MAP2K5: variants seen among roughly 807,000 people sequenced by gnomAD.
MAP2K5 encodes dual specificity mitogen-activated protein kinase kinase 5.
A neutral mutation model predicts 83.1 loss-of-function variants in MAP2K5; 49 were observed. The ratio of observed to expected loss-of-function variants is 0.59; its 90% CI spans 0.47 to 0.75. MAP2K5 has a LOEUF of 0.75. Among genes scored for constraint, MAP2K5 ranks in the 30% least tolerant of loss-of-function variants. The pLI is 0.00. For missense variants in MAP2K5, 457 were observed against 557.5 expected (o/e 0.82, Z 1.82); for synonymous variants, 202 against 191.8 (o/e 1.05, Z -0.44).
intron 12 of MAP2K5, among the ~76,000 whole-genome samples, chr15:67,662,495 G>T (rs953867112): frequency 1.3e-5 from 2 of 152,158 alleles, no homozygotes; most frequent in Admixed American, 1.3e-4. Context: ...ATAGTGATTT[G>T]TTCAGTGTAT....
rs2088448788 is a variant in MAP2K5 at position 67,702,622 on chromosome 15, A to G, written c.973-715A>G. Among the ~76,000 whole-genome samples, 1 of 152,246 alleles carries G rather than the reference A, an allele frequency of 6.6e-6. No individual in the cohort carries two copies. Among genetic ancestry groups the G allele is most frequent in the Non-Finnish European group, 1.5e-5 (1 of 68,040 alleles). On this transcript the variant is annotated intron_variant, in intron 15 of 21. Transcript: ENST00000178640. The surrounding 1 kb of genome is among the most constrained non-coding windows in gnomAD (Gnocchi z 4.6). The stretch of plus-strand genomic sequence containing the variant: ...GATCAGGAAGCATCCACTCAGTATG[A>G]AATTATTCCTTTTGAAGTTGAGAGT...
chr15:67,696,799 G>A (rs1458963871), intron 15 of MAP2K5, among the ~76,000 whole-genome samples: 1 of 152,148 alleles, frequency 6.6e-6, no homozygotes, highest in Non-Finnish European at 1.5e-5. Flanking sequence ...CCAACATGGA[G>A]AAACCCCATC....
intron 3 of MAP2K5, among the ~76,000 whole-genome samples, chr15:67,579,292 A>G (rs1290938313): frequency 6.6e-6 from 1 of 152,144 alleles, no homozygotes; most frequent in African/African-American, 2.4e-5. Flanking sequence ...TTTTCGGACA[A>G]TTTTTCCAGA....
intron 16 of MAP2K5, among the ~76,000 whole-genome samples, chr15:67,709,440 G>A (rs1309343213): frequency 1.4e-5 from 2 of 141,390 alleles, no homozygotes; most frequent in African/African-American, 5.3e-5. Flanking sequence ...AGATTTTTAG[G>A]ATTATTAACC....
chr15:67,585,806 C>A, intron 4 of MAP2K5, 84 bp from the exon 5 acceptor site: 3 of 1,201,920 alleles, frequency 2.5e-6, no homozygotes, highest in South Asian at 1.2e-5. Context: ...TGGTGTCACC[C>A]TCATTTCTTT....
At chr15:67,609,960 T>A (rs1283545646) in intron 8 of MAP2K5, among the ~76,000 whole-genome samples, 1 of 151,892 alleles carries the variant, frequency 6.6e-6, no homozygotes, top group East Asian at 1.9e-4. Context: ...TCATGCTGGG[T>A]CTTTTAGTCC....
rs908165079 is a variant in MAP2K5, at chr15:67,758,922, A to C, written c.1134+10321A>C. ...TTTTTATACAGCTGTGAAAGAAGAC[A>C]ACTTAGCATTGCAGACATGCTCAAA... On this transcript the variant is annotated intron_variant, in intron 19 of 21. Coordinates refer to ENST00000178640, the MANE Select transcript of MAP2K5 (RefSeq NM_145160.3). This position sits in a 1 kb window ranked among gnomAD's most constrained non-coding sequence, Gnocchi z 4.7. Among the ~76,000 whole-genome samples the C allele has an allele frequency of 5.3e-5, 8 of 152,220 alleles. No individual in the cohort carries two copies. The highest frequency in any genetic ancestry group is 1.9e-4 in the African/African-American group (8 of 41,454).
chr15:67,625,288 TAA>T (rs1423687493), intron 8 of MAP2K5, among the ~76,000 whole-genome samples: 1 of 152,168 alleles, frequency 6.6e-6, no homozygotes, highest in Non-Finnish European at 1.5e-5. Flanking sequence ...TTTGCCATGG[TAA>T]AGTGTATGTG....
At chr15:67,701,426 A>G (rs2088414043) in intron 15 of MAP2K5, among the ~76,000 whole-genome samples, 1 of 152,220 alleles carries the variant, frequency 6.6e-6, no homozygotes, top group Admixed American at 6.5e-5. Context: ...TAGGAAAAAT[A>G]GACTAGAAAA....
chr15:67,578,403 C>G (rs2085109120), intron 3 of MAP2K5, among the ~76,000 whole-genome samples: 1 of 152,148 alleles, frequency 6.6e-6, no homozygotes, highest in Admixed American at 6.5e-5. Context: ...TTGTGTAGGG[C>G]CCACACTGTG....
At chr15:67,612,809 A>G (rs922195107) in intron 8 of MAP2K5, among the ~76,000 whole-genome samples, 1 of 152,240 alleles carries the variant, frequency 6.6e-6, no homozygotes, top group Non-Finnish European at 1.5e-5. Flanking sequence ...AAACTGTTCA[A>G]TTAAAGCACA....
chr15:67,661,150 GT>G (rs949773165), intron 12 of MAP2K5, among the ~76,000 whole-genome samples: 52 of 150,150 alleles, frequency 3.5e-4, no homozygotes, highest in East Asian at 5.8e-4. Flanking sequence ...TGGCAAGAGA[GT>G]TTTTTTTTTC....
At chr15:67,791,786 G>A (rs556233831) in intron 21 of MAP2K5, among the ~76,000 whole-genome samples, 2 of 152,298 alleles carry the variant, frequency 1.3e-5, no homozygotes, top group African/African-American at 4.8e-5. Flanking sequence ...GCTGGTATCA[G>A]TAAATATAAG....
At chr15:67,585,785 T>C in intron 4 of MAP2K5, 105 bp from the exon 5 acceptor site, 4 of 941,598 alleles carry the variant, frequency 4.2e-6, no homozygotes, top group South Asian at 4.1e-5. Context: ...ATCATTTCTC[T>C]CTGCTAATTT....
chr15:67,710,815 A>AT (rs2088675248), intron 16 of MAP2K5, among the ~76,000 whole-genome samples: 1 of 152,104 alleles, frequency 6.6e-6, no homozygotes, highest in Non-Finnish European at 1.5e-5. Context: ...TCTTCTGAAG[A>AT]TTTTTTGGGC....
In MAP2K5 at chr15:67,724,041, G is replaced by T. The variant is rs2089031519; in HGVS notation, c.1045-3875G>T. Among the ~76,000 whole-genome samples, 1 of 152,178 alleles carries T rather than the reference G, an allele frequency of 6.6e-6. No homozygotes were observed. The highest frequency in any genetic ancestry group is 1.5e-5 in the Non-Finnish European group (1 of 68,034). ...GTTTTAAACCAAACCACCCTCTTGA[G>T]TGCTGATTGCCTTGCCCGACCCCTA... On this transcript the variant is annotated intron_variant, in intron 16 of 21. Coordinates refer to ENST00000178640, the MANE Select transcript of MAP2K5 (RefSeq NM_145160.3). This position sits in a 1 kb window ranked among gnomAD's most constrained non-coding sequence, Gnocchi z 4.4.
chr15:67,733,565 A>T (rs1350061767), intron 17 of MAP2K5, among the ~76,000 whole-genome samples: 3 of 152,226 alleles, frequency 2.0e-5, no homozygotes, highest in Non-Finnish European at 4.4e-5. Flanking sequence ...GGTAAAAGGA[A>T]GGTCTGAATC....
chr15:67,723,670 C>G (rs776517239), intron 16 of MAP2K5, among the ~76,000 whole-genome samples: 4 of 152,008 alleles, frequency 2.6e-5, no homozygotes, highest in Non-Finnish European at 4.4e-5. Context: ...TGAGCTGCTC[C>G]CCTCCTGGGA....
chr15:67,654,670 G>C (rs1179160608), intron 11 of MAP2K5, among the ~76,000 whole-genome samples: 1 of 152,066 alleles, frequency 6.6e-6, no homozygotes, highest in African/African-American at 2.4e-5. Context: ...CTTTTACTCT[G>C]TGTTTTTGAG....
Sources: gnomAD v4.1 joint callset for allele counts (sites outside exome capture counted in the v4.1 genomes callset) on GRCh38, gnomAD v4.1.1 for gene constraint, Gnocchi (gnomAD v3.1) non-coding constraint, MANE v1.5 for transcripts, NCBI Gene and HGNC (gene_info 2026-07-23, HGNC 2026-07-21) for gene names.